The following CALN1 variants were observed in gnomAD, a reference collection of about 807,000 sequenced individuals.
CALN1 encodes calcium-binding protein 8.
Under a neutral mutation model 30.6 loss-of-function variants are expected in CALN1, and 17 were observed. That is an observed-to-expected ratio of 0.56 (90% CI 0.38 to 0.83). The LOEUF (loss-of-function observed/expected upper bound fraction) is 0.83, where lower values mean the gene tolerates loss of function less well. Ranked by LOEUF, CALN1 falls within the 40% of genes least tolerant of loss-of-function variation. CALN1 has a pLI of 0.00. For missense variants in CALN1, 291 were observed against 354.9 expected, an observed-to-expected ratio of 0.82 and a Z score of 1.45; for synonymous variants, 156 against 131.4, an observed-to-expected ratio of 1.19 and a Z score of -1.28.
At chr7:71,899,441 C>G (rs778265113) in intron 5 of CALN1, among the ~76,000 whole-genome samples, 4 of 152,118 alleles carry the variant, frequency 2.6e-5, no homozygotes, top group African/African-American at 4.8e-5. Context: ...CCACGCCCGG[C>G]TGAGACACCT....
At chr7:72,109,565 T>C (rs1807414665) in intron 3 of CALN1, among the ~76,000 whole-genome samples, 1 of 152,224 alleles carries the variant, frequency 6.6e-6, no homozygotes, top group African/African-American at 2.4e-5. Context: ...ATTTTGAGCT[T>C]TTCCCATCAA....
chr7:72,062,801 C>G (rs998083812), intron 4 of CALN1, among the ~76,000 whole-genome samples: 1 of 152,056 alleles, frequency 6.6e-6, no homozygotes, highest in African/African-American at 2.4e-5. Context: ...CTAAATAGTC[C>G]TATTAAAGAA....
chr7:71,807,962 T>C (rs1787718257), intron 6 of CALN1, among the ~76,000 whole-genome samples: 1 of 152,016 alleles, frequency 6.6e-6, no homozygotes. Context: ...TAGTCCCAGC[T>C]ATTCGGGAGG....
chr7:72,071,935 G>C (rs116007611), intron 4 of CALN1, among the ~76,000 whole-genome samples: 2,958 of 152,238 alleles, frequency 0.019, 97 homozygotes, highest in African/African-American at 0.067. Flanking sequence ...AGGAAAAAAA[G>C]ATCAGTGAAC....
At position 72,347,971 on chromosome 7, in the gene CALN1, A is replaced by G. The variant is rs1479195180; in HGVS notation, c.119+55280T>C. 2.0e-5 allele frequency among the ~76,000 whole-genome samples: 3 copies of G among 152,050 alleles called. No individual in the cohort carries two copies. In the South Asian group the frequency reaches 6.2e-4, roughly 32 times the overall value. On this transcript the variant is annotated intron_variant, in intron 2 of 6. Transcript: ENST00000395275. ...CATGCTGAGACCCTGTCTCTACTAAAAATGCAAAAATTATCCAGGCATGGT... is the reference window on the plus strand; with the variant it reads ...CATGCTGAGACCCTGTCTCTACTAAGAATGCAAAAATTATCCAGGCATGGT...
intron 3 of CALN1, among the ~76,000 whole-genome samples, chr7:72,261,153 C>A (rs769241824): frequency 2.0e-5 from 3 of 152,064 alleles, no homozygotes; most frequent in Admixed American, 2.0e-4. Flanking sequence ...CAAAAAATTA[C>A]AAAAATTCGC....
intron 3 of CALN1, among the ~76,000 whole-genome samples, chr7:72,190,515 G>A (rs1463801995): frequency 2.0e-5 from 3 of 152,144 alleles, no homozygotes; most frequent in Non-Finnish European, 4.4e-5. Context: ...ACATTTCCCA[G>A]CACACCATTC....
chr7:71,950,166 C>G (rs921303444), intron 5 of CALN1, among the ~76,000 whole-genome samples: 1 of 152,130 alleles, frequency 6.6e-6, no homozygotes, highest in Non-Finnish European at 1.5e-5. Flanking sequence ...ACCTGGACAC[C>G]CTCCCCTGGT....
intron 2 of CALN1, among the ~76,000 whole-genome samples, chr7:72,283,497 T>A (rs561760716): frequency 6.6e-6 from 1 of 150,688 alleles, no homozygotes; most frequent in Non-Finnish European, 1.5e-5. Context: ...ATCCCACCAC[T>A]GTACTCCAGC....
intron 4 of CALN1, among the ~76,000 whole-genome samples, chr7:72,038,323 T>A (rs895893250): frequency 6.6e-6 from 1 of 152,026 alleles, no homozygotes; most frequent in Non-Finnish European, 1.5e-5. Flanking sequence ...GAATTCCCAT[T>A]ACATCAGCAT....
chr7:72,177,560 T>C (rs1410114476), intron 3 of CALN1, among the ~76,000 whole-genome samples: 1 of 151,744 alleles, frequency 6.6e-6, no homozygotes, highest in Non-Finnish European at 1.5e-5. Context: ...AAGTCAGGAG[T>C]TCGAGACCAG....
upstream of CALN1, among the ~76,000 whole-genome samples, chr7:72,417,098 G>A (rs1315654564): frequency 3.3e-5 from 5 of 152,254 alleles, no homozygotes; most frequent in Non-Finnish European, 5.9e-5. Flanking sequence ...TATGCTCAGT[G>A]AGTACAGGCG....
At position 72,368,187 on chromosome 7, in the gene CALN1, G is replaced by GTA. The variant is rs1034422250; in HGVS notation, c.119+35062_119+35063dup. The stretch of plus-strand genomic sequence containing the variant: ...TATATATGTGTATATATGTGTATCT[G>GTA]TATATATATATGTGTGTGTATATAT... On this transcript the variant is annotated intron_variant, in intron 2 of 6. Coordinates refer to ENST00000395275, the MANE Select transcript of CALN1 (RefSeq NM_031468.4). Among the ~76,000 whole-genome samples the GTA allele has an allele frequency of 6.5e-4, 98 of 150,374 alleles. 1 individual carries two copies. Among genetic ancestry groups the GTA allele is most frequent in the African/African-American group, 1.9e-3 (76 of 40,860 alleles).
intron 1 of CALN1, 48 bp from the exon 2 acceptor site, chr7:72,403,490 T>TA: frequency 1.4e-6 from 1 of 698,658 alleles, no homozygotes; most frequent in South Asian, 2.5e-5. Flanking sequence ...GCTGGGCGAT[T>TA]ATTCTTCTCA....
intron 4 of CALN1, among the ~76,000 whole-genome samples, chr7:72,062,776 G>C (rs750408333): frequency 6.6e-6 from 1 of 152,000 alleles, no homozygotes; most frequent in Non-Finnish European, 1.5e-5. Flanking sequence ...ACTCACCAAC[G>C]AAGAAAGACA....
chr7:72,010,356 A>C (rs1800001372), intron 5 of CALN1, among the ~76,000 whole-genome samples: 1 of 152,132 alleles, frequency 6.6e-6, no homozygotes, highest in Non-Finnish European at 1.5e-5. Context: ...TAAGCAATGC[A>C]TTTCTCTTGT....
chr7:71,972,349 C>G lies in CALN1; in HGVS notation c.501+51308G>C, dbSNP rs577901239. On this transcript the variant is annotated intron_variant, in intron 5 of 6. Transcript: ENST00000395275. ...TATCTGACTCGAAAATTGTGTGGGCCAAAAGACTTCTGGTTATAGAATGGC... is the reference window on the plus strand; with the variant it reads ...TATCTGACTCGAAAATTGTGTGGGCGAAAAGACTTCTGGTTATAGAATGGC... 5.9e-5 allele frequency among the ~76,000 whole-genome samples: 9 copies of G among 152,248 alleles called. 1 individual carries two copies. The South Asian group carries it at 1.5e-3, about 25-fold the overall frequency.
chr7:72,388,968 C>T (rs1805407646), intron 2 of CALN1, among the ~76,000 whole-genome samples: 1 of 152,032 alleles, frequency 6.6e-6, no homozygotes, highest in African/African-American at 2.4e-5. Context: ...CTATTTTGCC[C>T]TCTCTCTAGA....
chr7:72,191,337 C>G (rs1790584696), intron 3 of CALN1, among the ~76,000 whole-genome samples: 1 of 151,970 alleles, frequency 6.6e-6, no homozygotes, highest in South Asian at 2.1e-4. Context: ...CATGGTGGCT[C>G]ACGACTGTAA....
Sources: allele counts gnomAD v4.1 joint callset (sites outside exome capture counted in the v4.1 genomes callset), GRCh38; gene constraint gnomAD v4.1.1; transcripts MANE v1.5; gene names NCBI Gene and HGNC (gene_info 2026-07-23, HGNC 2026-07-21).